Variants in SYN2 observed in about 807,000 individuals in gnomAD.
SYN2 encodes synapsin II.
In SYN2, 19 loss-of-function variants were observed where a neutral mutation model predicts 50.9. That is an observed-to-expected ratio of 0.37 (90% confidence interval 0.26 to 0.55). The LOEUF is 0.55. Among genes scored for constraint, SYN2 ranks in the 20% least tolerant of loss-of-function variants. The pLI is 0.81. For synonymous variants in SYN2, 255 were observed against 224.9 expected, an observed-to-expected ratio of 1.13 and a Z score of -1.20; for missense variants, 587 against 576.4, an observed-to-expected ratio of 1.02 and a Z score of -0.19.
chr3:12,124,594 T>C (rs1287079429), intron 1 of SYN2, among the ~76,000 whole-genome samples: 2 of 152,136 alleles, frequency 1.3e-5, no homozygotes, highest in African/African-American at 4.8e-5. Context: ...TTGTGATGTA[T>C]TCAAGTAATA....
intron 1 of SYN2, among the ~76,000 whole-genome samples, chr3:12,046,002 C>G (rs1002706762): frequency 1.3e-5 from 2 of 152,106 alleles, no homozygotes; most frequent in African/African-American, 2.4e-5. Flanking sequence ...CAAAGGAACC[C>G]ATATTTCTCC....
At chr3:12,026,212 C>G (rs934373664) in intron 1 of SYN2, among the ~76,000 whole-genome samples, 3 of 152,078 alleles carry the variant, frequency 2.0e-5, no homozygotes, top group African/African-American at 4.8e-5. Flanking sequence ...CAGTGTAGCT[C>G]TGGTTTCATT....
At chr3:12,179,729 T>A (rs1002407243) in intron 10 of SYN2, among the ~76,000 whole-genome samples, 1 of 152,206 alleles carries the variant, frequency 6.6e-6, no homozygotes. Flanking sequence ...CATGTACCCA[T>A]GTTTTTCTGC....
chr3:12,165,881 C>T (rs1697775678), intron 7 of SYN2, among the ~76,000 whole-genome samples: 1 of 151,104 alleles, frequency 6.6e-6, no homozygotes, highest in Admixed American at 6.6e-5. Flanking sequence ...TAGGGAAAAG[C>T]ACATCATGTG....
At chr3:12,109,753 C>T (rs1696274048) in intron 1 of SYN2, among the ~76,000 whole-genome samples, 2 of 152,162 alleles carry the variant, frequency 1.3e-5, no homozygotes, top group African/African-American at 4.8e-5. Flanking sequence ...GGAGGGAAGT[C>T]TGCCCGTGCA....
At chr3:12,073,677 A>G (rs1695410983) in intron 1 of SYN2, among the ~76,000 whole-genome samples, 1 of 152,214 alleles carries the variant, frequency 6.6e-6, no homozygotes, top group South Asian at 2.1e-4. Flanking sequence ...ATATTAAACA[A>G]TATTTTTGCT....
At position 12,190,409 on chromosome 3, in the gene SYN2, TGTGTATCCTCAC is replaced by T. The variant is rs1698423613; in HGVS notation, c.1614-78_1614-67del. 2.0e-6 allele frequency: 3 copies of T among 1,519,406 alleles called. No homozygotes were observed. The Admixed American group carries it at 5.1e-5, about 26-fold the overall frequency. 94.1% of individuals were successfully genotyped at this position (1,519,406 alleles called of 1,614,324 possible). On this transcript the variant is annotated intron_variant, in intron 12 of 12. Coordinates refer to ENST00000621198, the MANE Select transcript of SYN2 (RefSeq NM_133625.6). Reference sequence around the variant, plus strand: ...CCAGGGAGGGAGTGGGGGTTCTAGCTGTGTATCCTCACGTCACCGTCCTTCCCTGCCTTGCTG... The same window carrying T: ...CCAGGGAGGGAGTGGGGGTTCTAGCTGTCACCGTCCTTCCCTGCCTTGCTG...
chr3:12,190,166 A>G (rs1384762142), intron 12 of SYN2, among the ~76,000 whole-genome samples: 1 of 152,246 alleles, frequency 6.6e-6, no homozygotes, highest in East Asian at 1.9e-4. Context: ...GATCTGTGAA[A>G]TTTAGCCCTT....
chr3:12,060,982 T>G (rs979548092), intron 1 of SYN2, among the ~76,000 whole-genome samples: 31 of 152,252 alleles, frequency 2.0e-4, no homozygotes, highest in Admixed American at 1.6e-3. Flanking sequence ...GTAAACGCTC[T>G]GATGGAAAAA....
chr3:12,105,004 C>A (rs747719880), intron 1 of SYN2, among the ~76,000 whole-genome samples: 4 of 152,200 alleles, frequency 2.6e-5, no homozygotes, highest in African/African-American at 7.2e-5. Flanking sequence ...GAGCACAATA[C>A]ATGTAATCAC....
intron 1 of SYN2, among the ~76,000 whole-genome samples, chr3:12,106,411 T>A (rs1044442661): frequency 6.6e-6 from 1 of 152,182 alleles, no homozygotes; most frequent in African/African-American, 2.4e-5. Flanking sequence ...TATTCAACAA[T>A]CCTGGGATTG....
intron 1 of SYN2, among the ~76,000 whole-genome samples, chr3:12,085,364 C>T (rs865783647): frequency 0.064 from 8,609 of 135,314 alleles, 655 homozygotes; most frequent in African/African-American, 0.18. Flanking sequence ...CACACACACA[C>T]ACACACACAC....
chr3:12,073,120 C>A lies in SYN2; in HGVS notation c.378-67531C>A, dbSNP rs1393338573. ...TTCTACAGTTTCAATGTGGAGTGGA[C>A]TGGGTTTTTTCAACTGTTAGAAAGT... On this transcript the variant is annotated intron_variant, in intron 1 of 12. Coordinates refer to ENST00000621198, the MANE Select transcript of SYN2 (RefSeq NM_133625.6). 3.3e-5 allele frequency among the ~76,000 whole-genome samples: 5 copies of A among 152,188 alleles called. No homozygotes were observed. The East Asian group carries it at 9.6e-4, about 29-fold the overall frequency.
chr3:12,191,289 CAGAGCTGCACTATAGAGG>C lies in SYN2; in HGVS notation c.*668_*685del. The stretch of plus-strand genomic sequence containing the variant: ...TGCAATCTGCAGTAACCTTGAACTC[CAGAGCTGCACTATAGAGG>C]AGAATGCATGCCACTATGACAGCAG... On this transcript the variant is annotated 3_prime_UTR_variant, in exon 13 of 13. Coordinates refer to ENST00000621198, the MANE Select transcript of SYN2 (RefSeq NM_133625.6). The C allele has an allele frequency of 1.7e-6, 1 of 575,598 alleles. No individual in the cohort carries two copies. Among genetic ancestry groups the C allele is most frequent in the Non-Finnish European group, 2.2e-6 (1 of 455,830 alleles). 35.7% of individuals were successfully genotyped at this position (575,598 alleles called of 1,614,324 possible).
intron 12 of SYN2, 42 bp downstream of exon 12, chr3:12,187,654 C>G: frequency 2.0e-6 from 3 of 1,502,298 alleles, no homozygotes; most frequent in Non-Finnish European, 2.7e-6. Flanking sequence ...CTCCTCCTAC[C>G]CTTCCTGTGG....
intron 10 of SYN2, 71 bp downstream of exon 10, chr3:12,169,977 C>G (rs1468187745): frequency 6.6e-7 from 1 of 1,506,072 alleles, no homozygotes; most frequent in African/African-American, 1.4e-5. Context: ...ATGTTGATGG[C>G]TAAAGAATGG....
intron 1 of SYN2, among the ~76,000 whole-genome samples, chr3:12,087,286 C>G (rs1323433855): frequency 1.3e-5 from 2 of 151,930 alleles, no homozygotes; most frequent in Non-Finnish European, 2.9e-5. Flanking sequence ...TCTGTATTAC[C>G]CAAAGTGTTC....
At chr3:12,184,240 G>T in intron 11 of SYN2, 1 of 985,866 alleles carries the variant, frequency 1.0e-6, no homozygotes, top group East Asian at 1.1e-4. Context: ...CCGCTGATGT[G>T]CAATATCAAA....
At chr3:12,169,478 G>T (rs1242413392) in intron 9 of SYN2, among the ~76,000 whole-genome samples, 2 of 152,150 alleles carry the variant, frequency 1.3e-5, no homozygotes, top group East Asian at 3.8e-4. Flanking sequence ...CCCTCTCCTT[G>T]CTTTCTACCT....
Sources: gnomAD v4.1 joint callset for allele counts (sites outside exome capture counted in the v4.1 genomes callset) on GRCh38, gnomAD v4.1.1 for gene constraint, MANE v1.5 for transcripts, NCBI Gene and HGNC (gene_info 2026-07-23, HGNC 2026-07-21) for gene names.